Variants in PCMTD1 observed in about 807,000 individuals in gnomAD.
The protein encoded by PCMTD1 is protein-L-isoaspartate O-methyltransferase domain-containing protein 1.
PCMTD1 carries 12 observed loss-of-function variants against 37.6 expected under a neutral mutation model. The ratio of observed to expected loss-of-function variants is 0.32; its 90% CI spans 0.20 to 0.52. PCMTD1 has a LOEUF of 0.52. PCMTD1 is among the 20% of genes least tolerant of loss of function. The probability of loss-of-function intolerance (pLI) is 0.97; values close to 1 mark genes in which losing one functional copy is unlikely to be tolerated. For synonymous variants in PCMTD1, 117 were observed against 135.8 expected (o/e 0.86, Z 0.96); for missense variants, 235 against 421.3 (o/e 0.56, Z 3.87).
intron 1 of PCMTD1, among the ~76,000 whole-genome samples, chr8:51,877,895 C>T (rs2038735336): frequency 6.6e-6 from 1 of 152,124 alleles, no homozygotes; most frequent in African/African-American, 2.4e-5. Context: ...CATCCTTGTT[C>T]TTGGAAAATA....
At chr8:51,851,191 T>C (rs1328258555) in intron 2 of PCMTD1, among the ~76,000 whole-genome samples, 1 of 152,234 alleles carries the variant, frequency 6.6e-6, no homozygotes, top group Non-Finnish European at 1.5e-5. Context: ...AGATCAGACC[T>C]TGTTATTTGC....
chr8:51,828,123 A>C (rs34794088), intron 5 of PCMTD1, among the ~76,000 whole-genome samples: 11,534 of 152,290 alleles, frequency 0.076, 605 homozygotes, highest in Non-Finnish European at 0.11. Context: ...GTCAGTTACA[A>C]AGTAAAATAG....
chr8:51,839,393 C>G, intron 3 of PCMTD1: 5 of 910,860 alleles, frequency 5.5e-6, no homozygotes, highest in Non-Finnish European at 6.6e-6. Flanking sequence ...ACAGATATCT[C>G]GGTTTAGAAC....
chr8:51,843,425 A>T (rs186446179), intron 3 of PCMTD1, among the ~76,000 whole-genome samples: 3 of 152,298 alleles, frequency 2.0e-5, no homozygotes, highest in African/African-American at 7.2e-5. Flanking sequence ...TTTAGAAACA[A>T]CTACATATAA....
chr8:51,832,620 CT>C (rs1458802634), intron 4 of PCMTD1, among the ~76,000 whole-genome samples: 12 of 152,086 alleles, frequency 7.9e-5, no homozygotes, highest in African/African-American at 2.9e-4. Context: ...TTTTTATTAA[CT>C]TTTTAAAGTA....
chr8:51,874,637 T>C (rs1166333365), intron 1 of PCMTD1, among the ~76,000 whole-genome samples: 1 of 151,998 alleles, frequency 6.6e-6, no homozygotes, highest in East Asian at 1.9e-4. Context: ...AAATTACCTT[T>C]ATTAACAGTG....
rs1324941993 is a variant in PCMTD1 at position 51,818,585 on chromosome 8, T to C, written c.*1766A>G. On this transcript the variant is annotated 3_prime_UTR_variant, in exon 6 of 6. Transcript: ENST00000522514. ...TGACAACAGTATGAAACTGATTTTT[T>C]TCTTTCCTAGATACAAAAATGATAT... 1 of 152,344 alleles carries C rather than the reference T, an allele frequency of 6.6e-6. No individual in the cohort carries two copies. Among genetic ancestry groups the C allele is most frequent in the Non-Finnish European group, 1.5e-5 (1 of 68,084 alleles). The allele number at this position is 152,344 out of a possible 1,614,324, so 9.4% of individuals were successfully genotyped here.
At chr8:51,860,519 AC>A (rs2038456495) in intron 2 of PCMTD1, 1 of 185,792 alleles carries the variant, frequency 5.4e-6, no homozygotes, top group Non-Finnish European at 1.1e-5. Flanking sequence ...TAACCATCAA[AC>A]TTTATATGCC....
At chr8:51,896,524 C>G (rs138498695) in intron 1 of PCMTD1, 1 of 152,190 alleles carries the variant, frequency 6.6e-6, no homozygotes, top group East Asian at 1.9e-4. Context: ...GTAAGCAATA[C>G]GCAGCTGTGA....
At chr8:51,886,027 C>CT (rs929996593) in intron 1 of PCMTD1, among the ~76,000 whole-genome samples, 2 of 152,216 alleles carry the variant, frequency 1.3e-5, no homozygotes, top group Admixed American at 6.5e-5. Flanking sequence ...AGAACAAAGA[C>CT]TATGTACAGT....
intron 2 of PCMTD1, among the ~76,000 whole-genome samples, chr8:51,846,913 C>T (rs2129281475): frequency 6.6e-6 from 1 of 152,294 alleles, no homozygotes; most frequent in Admixed American, 6.5e-5. Context: ...TTTATAAAAA[C>T]ATTGCTTTTA....
intron 2 of PCMTD1, among the ~76,000 whole-genome samples, chr8:51,859,063 C>G (rs192877126): frequency 8.9e-4 from 135 of 152,274 alleles, no homozygotes; most frequent in African/African-American, 3.1e-3. Context: ...ATACCTCCCC[C>G]ATCCCAAGTT....
rs77213860 is a variant in PCMTD1, at chr8:51,826,922, T to A, written c.706+4522A>T. The A allele has an allele frequency of 7.8e-5, 69 of 885,102 alleles. No individual in the cohort carries two copies. In the East Asian group the frequency reaches 7.7e-3, roughly 99 times the overall value. 54.8% of individuals were successfully genotyped at this position (885,102 alleles called of 1,614,324 possible). A position where few individuals can be genotyped will look rare whatever the true frequency, so the allele number is the denominator to read the frequency against. On this transcript the variant is annotated intron_variant, in intron 5 of 5. Coordinates refer to ENST00000522514, the MANE Select transcript of PCMTD1 (RefSeq NM_052937.4). The stretch of plus-strand genomic sequence containing the variant: ...ATTAGTGGTGAATCAAGATGAAAAA[T>A]TATGACTCCACTTTAGTAAGTTGTT...
At chr8:51,873,650 T>C (rs1484487206) in intron 1 of PCMTD1, among the ~76,000 whole-genome samples, 1 of 152,114 alleles carries the variant, frequency 6.6e-6, no homozygotes, top group Non-Finnish European at 1.5e-5. Context: ...GCTGTCCTCA[T>C]GATAGGGAGT....
chr8:51,867,519 GTA>G (rs1353551105), intron 1 of PCMTD1, among the ~76,000 whole-genome samples: 27 of 138,012 alleles, frequency 2.0e-4, no homozygotes, highest in Non-Finnish European at 3.1e-4. Context: ...GTGTGTGTGT[GTA>G]TAGGAATTTG....
At position 51,818,814 on chromosome 8, in the gene PCMTD1, G is replaced by C. The variant is rs2037801869; in HGVS notation, c.*1537C>G. ...TTTTAGATGTTGTGGAATTACTGGA[G>C]CTGAGATTTCTGAAACAATATCTGA... On this transcript the variant is annotated 3_prime_UTR_variant, in exon 6 of 6. Coordinates refer to ENST00000522514, the MANE Select transcript of PCMTD1 (RefSeq NM_052937.4). 6.6e-6 allele frequency: 1 copy of C among 152,318 alleles called. No homozygotes were observed. The highest frequency in any genetic ancestry group is 1.5e-5 in the Non-Finnish European group (1 of 68,062). The allele number at this position is 152,318 out of a possible 1,614,324, so 9.4% of individuals were successfully genotyped here.
intron 3 of PCMTD1, among the ~76,000 whole-genome samples, chr8:51,839,222 A>C (rs2038111142): frequency 6.6e-6 from 1 of 152,214 alleles, no homozygotes; most frequent in Non-Finnish European, 1.5e-5. Context: ...TGTGTATAAT[A>C]ACCACAAAAT....
At chr8:51,846,702 T>G (rs2038225259) in intron 2 of PCMTD1, among the ~76,000 whole-genome samples, 1 of 152,188 alleles carries the variant, frequency 6.6e-6, no homozygotes, top group Non-Finnish European at 1.5e-5. Flanking sequence ...CAGTGCATAT[T>G]TGGATTGTTT....
intron 1 of PCMTD1, among the ~76,000 whole-genome samples, chr8:51,895,119 C>T (rs2038982381): frequency 6.6e-6 from 1 of 152,104 alleles, no homozygotes; most frequent in Admixed American, 6.5e-5. Context: ...AAGAAGAGAA[C>T]AAACTCTAAA....
Sources: allele counts gnomAD v4.1 joint callset (sites outside exome capture counted in the v4.1 genomes callset), GRCh38; gene constraint gnomAD v4.1.1; transcripts MANE v1.5; gene names NCBI Gene and HGNC (gene_info 2026-07-23, HGNC 2026-07-21).